Variants in BIRC6 observed in about 807,000 individuals in gnomAD.
BIRC6 encodes the protein baculoviral IAP repeat containing 6, also known as dual E2 ubiquitin-conjugating enzyme/E3 ubiquitin-protein ligase BIRC6.
BIRC6 carries 98 observed loss-of-function variants against 503.3 expected under a neutral mutation model. The observed-to-expected ratio is 0.19, with a 90% CI of 0.17 to 0.23. BIRC6 has a LOEUF of 0.23. Among genes scored for constraint, BIRC6 ranks in the 10% least tolerant of loss-of-function variants. The probability of loss-of-function intolerance (pLI) is 1.00; values close to 1 mark genes in which losing one functional copy is unlikely to be tolerated. For synonymous variants in BIRC6, 2,240 were observed against 2,078.7 expected (o/e 1.08, Z -2.11); for missense variants, 5,360 against 5,806.0 (o/e 0.92, Z 2.50).
At chr2:32,426,525 A>C (rs2043511747) in intron 10 of BIRC6, among the ~76,000 whole-genome samples, 1 of 152,188 alleles carries the variant, frequency 6.6e-6, no homozygotes, top group Non-Finnish European at 1.5e-5. Context: ...AATCACTTGA[A>C]CCCAGGAGGC....
intron 45 of BIRC6, among the ~76,000 whole-genome samples, chr2:32,499,157 C>T (rs2052847228): frequency 6.6e-6 from 1 of 152,166 alleles, no homozygotes; most frequent in Non-Finnish European, 1.5e-5. Context: ...TTTTATGTAT[C>T]ATTATCAGTA....
intron 65 of BIRC6, among the ~76,000 whole-genome samples, chr2:32,553,649 C>CA (rs2058591045): frequency 6.6e-6 from 1 of 151,950 alleles, no homozygotes; most frequent in African/African-American, 2.4e-5. Flanking sequence ...CTCGGCCTCC[C>CA]AAAGTGGTGG....
chr2:32,455,736 G>A (rs990207870), intron 23 of BIRC6, among the ~76,000 whole-genome samples: 1 of 152,150 alleles, frequency 6.6e-6, no homozygotes, highest in Non-Finnish European at 1.5e-5. Context: ...GTTTGAAAAA[G>A]TTTTTCTCCA....
chr2:32,568,982 C>CG (rs2059733118), intron 65 of BIRC6, among the ~76,000 whole-genome samples: 1 of 131,356 alleles, frequency 7.6e-6, no homozygotes, highest in South Asian at 2.4e-4. Flanking sequence ...CCATGTCTCT[C>CG]TCTTTTTTTT....
chr2:32,533,526 TA>T (rs1212896899), intron 61 of BIRC6, among the ~76,000 whole-genome samples: 1 of 152,232 alleles, frequency 6.6e-6, no homozygotes, highest in Non-Finnish European at 1.5e-5. Flanking sequence ...AGATATTTGC[TA>T]TCAGAAAAGC....
chr2:32,565,703 A>T (rs904874976), intron 65 of BIRC6: 18 of 152,234 alleles, frequency 1.2e-4, no homozygotes, highest in Admixed American at 1.0e-3. Flanking sequence ...TAAAGGAAAG[A>T]GGTTTAATTG....
At chr2:32,375,912 G>A (rs921990542) in intron 1 of BIRC6, among the ~76,000 whole-genome samples, 1 of 152,110 alleles carries the variant, frequency 6.6e-6, no homozygotes, top group Non-Finnish European at 1.5e-5. Context: ...ATGGCCGGGC[G>A]CAGTGGCTCA....
intron 46 of BIRC6, 47 bp downstream of exon 46, chr2:32,500,156 C>G (rs768666419): frequency 6.7e-7 from 1 of 1,483,954 alleles, no homozygotes. Context: ...GATACTATAA[C>G]TGGTTTTTTT....
intron 1 of BIRC6, among the ~76,000 whole-genome samples, chr2:32,370,058 G>GTA (rs1283364806): frequency 1.9e-4 from 26 of 133,570 alleles, no homozygotes; most frequent in African/African-American, 7.6e-4. Context: ...ATGTGTGTAT[G>GTA]TATACACACA....
At chr2:32,380,671 A>G (rs1177217937) in intron 3 of BIRC6, among the ~76,000 whole-genome samples, 3 of 152,132 alleles carry the variant, frequency 2.0e-5, no homozygotes, top group Non-Finnish European at 4.4e-5. Flanking sequence ...GTTAGCTGAG[A>G]TTGCAGAGAT....
chr2:32,520,804 G>A lies in BIRC6; in HGVS notation c.11623+1858G>A, dbSNP rs541027648. On this transcript the variant is annotated intron_variant, in intron 57 of 73. Coordinates refer to ENST00000421745, the MANE Select transcript of BIRC6 (RefSeq NM_016252.4). ...TGCACTCCAGCCTGGACGACAGAGC[G>A]AGACTCTCTCAAAACACATACAAAC... Among the ~76,000 whole-genome samples the A allele has an allele frequency of 1.4e-4, 21 of 152,304 alleles. 1 individual carries two copies. The East Asian group carries it at 1.5e-3, about 11-fold the overall frequency.
chr2:32,504,405 T>C (rs759409425), intron 49 of BIRC6, among the ~76,000 whole-genome samples: 1 of 151,946 alleles, frequency 6.6e-6, no homozygotes, highest in Non-Finnish European at 1.5e-5. Context: ...CGGTGGCTCA[T>C]GCCTGTAATC....
At chr2:32,420,889 A>T (rs562457519) in intron 10 of BIRC6, among the ~76,000 whole-genome samples, 1,160 of 111,026 alleles carry the variant, frequency 0.01, 7 homozygotes, top group Middle Eastern at 0.031. Flanking sequence ...GATGATTTGT[A>T]TTTTTTTTTT....
chr2:32,446,687 A>G (rs1243984825), intron 21 of BIRC6, among the ~76,000 whole-genome samples: 1 of 134,630 alleles, frequency 7.4e-6, no homozygotes, highest in Non-Finnish European at 1.5e-5. Flanking sequence ...AACATAGTTG[A>G]GATTCACTGA....
chr2:32,523,757 G>A (rs2055986649), intron 57 of BIRC6, among the ~76,000 whole-genome samples: 1 of 152,200 alleles, frequency 6.6e-6, no homozygotes, highest in African/African-American at 2.4e-5. Flanking sequence ...AATTAGGGAA[G>A]TAAAAAGAGA....
Position 32,476,363 on chromosome 2 carries a change from A to C in BIRC6, c.6852+19A>C, listed in dbSNP as rs763508443. On this transcript the variant is annotated intron_variant, in intron 34 of 73. Coordinates refer to ENST00000421745, the MANE Select transcript of BIRC6 (RefSeq NM_016252.4). Reference sequence around the variant, plus strand: ...TTCAAAGGTATGATCTATACTTTTCAATATAGTTATCTCAGAAAAGTCAAG... The same window carrying C: ...TTCAAAGGTATGATCTATACTTTTCCATATAGTTATCTCAGAAAAGTCAAG... 4 of 1,550,840 alleles carry C rather than the reference A, an allele frequency of 2.6e-6. No individual in the cohort carries two copies. Among genetic ancestry groups the C allele is most frequent in the Non-Finnish European group, 3.5e-6 (4 of 1,149,814 alleles).
chr2:32,481,609 A>G (rs1174270530), intron 38 of BIRC6, among the ~76,000 whole-genome samples, 156 bp downstream of exon 38: 1 of 152,076 alleles, frequency 6.6e-6, no homozygotes, highest in Non-Finnish European at 1.5e-5. Flanking sequence ...TACTAAAAAT[A>G]GAAAAAATTA....
At chr2:32,369,258 C>T (rs2035423967) in intron 1 of BIRC6, among the ~76,000 whole-genome samples, 1 of 152,130 alleles carries the variant, frequency 6.6e-6, no homozygotes, top group South Asian at 2.1e-4. Context: ...GTCTGTGTGA[C>T]TACCATTCAG....
chr2:32,389,120 ACTG>A (rs1448323702), intron 4 of BIRC6, among the ~76,000 whole-genome samples, 177 bp downstream of exon 4: 1 of 152,190 alleles, frequency 6.6e-6, no homozygotes, highest in Non-Finnish European at 1.5e-5. Flanking sequence ...TTTAAAGTAA[ACTG>A]CTACTTGAAT....
Sources: gnomAD v4.1 joint callset for allele counts (sites outside exome capture counted in the v4.1 genomes callset) on GRCh38, gnomAD v4.1.1 for gene constraint, MANE v1.5 for transcripts, NCBI Gene and HGNC (gene_info 2026-07-23, HGNC 2026-07-21) for gene names.